PLCB4: variants seen among roughly 807,000 people sequenced by gnomAD.
PLCB4 encodes 1-phosphatidylinositol 4,5-bisphosphate phosphodiesterase beta-4.
A neutral mutation model predicts 178.8 loss-of-function variants in PLCB4; 77 were observed. The ratio of observed to expected loss-of-function variants is 0.43; its 90% CI spans 0.36 to 0.52. PLCB4 has a LOEUF of 0.52. PLCB4 is among the 20% of genes least tolerant of loss of function. The pLI is 0.00. For missense variants in PLCB4, 1,024 were observed against 1,453.4 expected (o/e 0.70, Z 4.80); for synonymous variants, 496 against 490.8 (o/e 1.01, Z -0.14).
chr20:9,473,165 A>T lies in PLCB4; in HGVS notation c.3409-114A>T, dbSNP rs1395091907. 1.1e-5 allele frequency: 7 copies of T among 622,186 alleles called. No individual in the cohort carries two copies. The East Asian group carries it at 1.2e-4, about 11-fold the overall frequency. 38.5% of individuals were successfully genotyped at this position (622,186 alleles called of 1,614,324 possible). Reference sequence around the variant, plus strand: ...TCTCCAAATTTTGAGATGATTTTTTAAAAAATTATTATCTCTTTCACTTAA... The same window carrying T: ...TCTCCAAATTTTGAGATGATTTTTTTAAAAATTATTATCTCTTTCACTTAA... On this transcript the variant is annotated intron_variant, in intron 37 of 39. Transcript: ENST00000378473.
intron 1 of PLCB4, among the ~76,000 whole-genome samples, chr20:9,081,286 C>G (rs2090136429): frequency 6.6e-6 from 1 of 152,216 alleles, no homozygotes; most frequent in Non-Finnish European, 1.5e-5. Flanking sequence ...GATACTTCAA[C>G]AGCTCCCTGT....
intron 2 of PLCB4, among the ~76,000 whole-genome samples, chr20:9,138,826 A>T (rs1260708314): frequency 6.6e-6 from 1 of 152,098 alleles, no homozygotes; most frequent in Admixed American, 6.6e-5. Context: ...ATTGATGAAG[A>T]CTGTCTTATC....
intron 1 of PLCB4, among the ~76,000 whole-genome samples, chr20:9,079,178 A>G (rs1290429125): frequency 6.6e-6 from 1 of 152,220 alleles, no homozygotes; most frequent in Non-Finnish European, 1.5e-5. Flanking sequence ...CTGTGAAAGC[A>G]CAGTGGAGGG....
intron 17 of PLCB4, among the ~76,000 whole-genome samples, chr20:9,392,073 G>T (rs1284962907): frequency 2.0e-5 from 3 of 152,136 alleles, no homozygotes; most frequent in African/African-American, 7.2e-5. Context: ...TTTTTACCTA[G>T]GCCCTCCATT....
At chr20:9,376,073 C>A (rs541497420) in intron 12 of PLCB4, among the ~76,000 whole-genome samples, 8 of 152,002 alleles carry the variant, frequency 5.3e-5, no homozygotes, top group African/African-American at 1.7e-4. Context: ...TGTAGGGTGA[C>A]CTCCTCCCTA....
intron 1 of PLCB4, among the ~76,000 whole-genome samples, chr20:9,071,271 G>A (rs182301070): frequency 1.5e-3 from 226 of 152,280 alleles, no homozygotes; most frequent in African/African-American, 5.1e-3. Flanking sequence ...ACACACAACT[G>A]TCTTTAGATT....
chr20:9,164,800 A>G (rs972917254), intron 2 of PLCB4, among the ~76,000 whole-genome samples: 61 of 152,240 alleles, frequency 4.0e-4, no homozygotes, highest in Admixed American at 4.0e-3. Flanking sequence ...AATAAGAGCA[A>G]TAGACTGTCA....
chr20:9,355,527 G>A (rs1326316137), intron 7 of PLCB4, among the ~76,000 whole-genome samples: 1 of 151,370 alleles, frequency 6.6e-6, no homozygotes, highest in African/African-American at 2.4e-5. Context: ...TCCCATCTAT[G>A]AGTGAGAACA....
intron 2 of PLCB4, among the ~76,000 whole-genome samples, chr20:9,144,657 A>G (rs75313097): frequency 0.38 from 50,788 of 135,308 alleles, 11,147 homozygotes; most frequent in Middle Eastern, 0.5. Flanking sequence ...GAAGAAGAAG[A>G]AAGAAGGAGG....
chr20:9,165,793 TTGTGTGTGTGTGTG>T (rs3036061), intron 2 of PLCB4, among the ~76,000 whole-genome samples: 16 of 139,750 alleles, frequency 1.1e-4, no homozygotes, highest in East Asian at 4.2e-4. Context: ...CTGGGGCTGT[TTGTGTGTGTGTGTG>T]TGTGTGTGTG....
At chr20:9,263,413 C>T (rs574398391) in intron 3 of PLCB4, among the ~76,000 whole-genome samples, 1 of 152,322 alleles carries the variant, frequency 6.6e-6, no homozygotes, top group South Asian at 2.1e-4. Flanking sequence ...TATCTAGTCC[C>T]TTGCTATTGA....
Position 9,327,283 on chromosome 20 carries a change from A to C in PLCB4, c.85-9843A>C, listed in dbSNP as rs1415374559. 6.0e-5 allele frequency among the ~76,000 whole-genome samples: 8 copies of C among 133,236 alleles called. No individual in the cohort carries two copies. In the South Asian group the frequency reaches 1.3e-3, roughly 22 times the overall value. The allele number at this position is 133,236 out of a possible 152,430, so 87.4% of individuals were successfully genotyped here. On this transcript the variant is annotated intron_variant, in intron 4 of 39. Transcript: ENST00000378473. ...GCGAAACTCTGTCTCTACAAAAAAA[A>C]ATTTTTTTTTTTAATTAGCCAGCCA...
intron 25 of PLCB4, among the ~76,000 whole-genome samples, chr20:9,415,315 G>T (rs1204447753): frequency 6.6e-6 from 1 of 152,056 alleles, no homozygotes; most frequent in African/African-American, 2.4e-5. Flanking sequence ...AGTTGACCAG[G>T]GGTAGCTGAA....
chr20:9,472,894 A>G, intron 37 of PLCB4, 47 bp downstream of exon 37: 1 of 1,064,130 alleles, frequency 9.4e-7, no homozygotes, highest in Non-Finnish European at 1.4e-6. Context: ...AAAAAACTAT[A>G]AACAATAACA....
At chr20:9,117,197 T>C (rs2091809301) in intron 2 of PLCB4, among the ~76,000 whole-genome samples, 2 of 152,206 alleles carry the variant, frequency 1.3e-5, no homozygotes, top group African/African-American at 4.8e-5. Context: ...GTTGAACACA[T>C]GGGAAGTTCC....
intron 35 of PLCB4, among the ~76,000 whole-genome samples, chr20:9,462,399 C>A (rs1373665188): frequency 6.6e-6 from 1 of 152,162 alleles, no homozygotes; most frequent in African/African-American, 2.4e-5. Context: ...TGGAACAAAG[C>A]TGGATGGAGA....
At chr20:9,204,056 A>C (rs921791674) in intron 2 of PLCB4, among the ~76,000 whole-genome samples, 1 of 152,002 alleles carries the variant, frequency 6.6e-6, no homozygotes, top group Non-Finnish European at 1.5e-5. Context: ...GTGGCTCTGA[A>C]CAGGAAACCC....
intron 2 of PLCB4, among the ~76,000 whole-genome samples, chr20:9,165,130 C>T (rs1035737213): frequency 2.0e-5 from 3 of 152,132 alleles, no homozygotes; most frequent in Non-Finnish European, 2.9e-5. Context: ...TGGATGGCCA[C>T]AGTACAGGCA....
intron 2 of PLCB4, among the ~76,000 whole-genome samples, chr20:9,175,643 G>A (rs1400197069): frequency 6.6e-6 from 1 of 152,048 alleles, no homozygotes; most frequent in Non-Finnish European, 1.5e-5. Context: ...TCCAATAAGT[G>A]ATATGATATC....
Sources: allele counts gnomAD v4.1 joint callset (sites outside exome capture counted in the v4.1 genomes callset), GRCh38; gene constraint gnomAD v4.1.1; transcripts MANE v1.5; gene names NCBI Gene and HGNC (gene_info 2026-07-23, HGNC 2026-07-21).